Variants in CASZ1 observed in about 807,000 individuals in gnomAD.
CASZ1 encodes castor zinc finger 1.
Under a neutral mutation model 135.2 loss-of-function variants are expected in CASZ1, and 28 were observed. That is an observed-to-expected ratio of 0.21 (90% CI 0.15 to 0.28). The LOEUF (loss-of-function observed/expected upper bound fraction) is 0.28, where lower values mean the gene tolerates loss of function less well. CASZ1 is among the 10% of genes least tolerant of loss of function. CASZ1 has a pLI of 1.00. For missense variants in CASZ1, 2,161 were observed against 2,453.3 expected, an observed-to-expected ratio of 0.88 and a Z score of 2.52; for synonymous variants, 1,068 against 1,073.4, an observed-to-expected ratio of 0.99 and a Z score of 0.10.
rs769407382 is a variant in CASZ1 at position 10,643,148 on chromosome 1, G to GGGGGCTCTCACCTGGGA, written c.4015_4020+11dup. 3 of 1,609,640 alleles carry GGGGGCTCTCACCTGGGA rather than the reference G, an allele frequency of 1.9e-6. No individual in the cohort carries two copies. The highest frequency in any genetic ancestry group is 2.5e-6 in the Non-Finnish European group (3 of 1,178,888). Reference sequence around the variant, plus strand: ...CACCCTGGCTGGGCTCTCACCTGGGGGGGGCTCTCACCTGGGAGGGGGGCA... The same window carrying GGGGGCTCTCACCTGGGA: ...CACCCTGGCTGGGCTCTCACCTGGGGGGGGCTCTCACCTGGGAGGGGCTCTCACCTGGGAGGGGGGCA... On this transcript the variant is annotated intron_variant, in intron 19 of 20. Coordinates refer to ENST00000377022, the MANE Select transcript of CASZ1 (RefSeq NM_001079843.3).
intron 4 of CASZ1, among the ~76,000 whole-genome samples, chr1:10,691,076 C>G (rs1402386953): frequency 8.2e-6 from 1 of 122,112 alleles, no homozygotes; most frequent in East Asian, 2.0e-4. Context: ...CTCTTCCTCT[C>G]TCCCCTCCCT....
intron 2 of CASZ1, among the ~76,000 whole-genome samples, chr1:10,710,152 T>C (rs554640790): frequency 6.6e-6 from 1 of 152,312 alleles, no homozygotes; most frequent in South Asian, 2.1e-4. Flanking sequence ...ATAGTAATTT[T>C]TAAAAAGCAG....
rs1639456158 is a variant in CASZ1, at chr1:10,719,470, C to G, written c.-76-13926G>C. Among the ~76,000 whole-genome samples, 1 of 152,234 alleles carries G rather than the reference C, an allele frequency of 6.6e-6. No homozygotes were observed. The highest frequency in any genetic ancestry group is 2.4e-5 in the African/African-American group (1 of 41,456). On this transcript the variant is annotated intron_variant, in intron 2 of 20. Coordinates refer to ENST00000377022, the MANE Select transcript of CASZ1 (RefSeq NM_001079843.3). This position sits in a 1 kb window ranked among gnomAD's most constrained non-coding sequence, Gnocchi z 4.0. Reference sequence around the variant, plus strand: ...ATGTCCTAAGGCTGCACACGCCATGCATTTAGAATCTGAGTGCTTGGGAGA... The same window carrying G: ...ATGTCCTAAGGCTGCACACGCCATGGATTTAGAATCTGAGTGCTTGGGAGA...
At chr1:10,690,197 A>C (rs1267661897) in intron 4 of CASZ1, among the ~76,000 whole-genome samples, 1 of 152,222 alleles carries the variant, frequency 6.6e-6, no homozygotes, top group African/African-American at 2.4e-5. Flanking sequence ...GGTGCCTGGC[A>C]GGTCGAAGGT....
chr1:10,645,075 C>A lies in CASZ1; in HGVS notation c.3710G>T (p.Arg1237Leu). The A allele has an allele frequency of 6.2e-7, 1 of 1,613,726 alleles. No individual in the cohort carries two copies. ...CLCPNQHCEF[R>L]MRGHYHCLRT... Reference sequence around the variant, plus strand: ...GAGGCAGTGGTAGTGCCCACGCATTCGGAACTCGCAGTGCTGCAGGGAGAC... The same window carrying A: ...GAGGCAGTGGTAGTGCCCACGCATTAGGAACTCGCAGTGCTGCAGGGAGAC... Residue 1237 changes from arginine (R) to leucine (L), a missense_variant, in exon 18 of 21, where the codon CGA becomes CTA. Physicochemically the swap from Arg to Leu is moderately radical, Grantham distance 102 (BLOSUM62 -2). Transcript: ENST00000377022.
Position 10,639,779 on chromosome 1 carries a change from G to A in CASZ1, c.4443C>T (p.His1481=). The A allele has an allele frequency of 6.2e-7, 1 of 1,603,578 alleles. No individual in the cohort carries two copies. Among genetic ancestry groups the A allele is most frequent in the South Asian group, 1.1e-5 (1 of 89,588 alleles). ...RTHMYKHAQH[H]DRVDNLVLDD... ...CCAGCACCAGGTTGTCCACGCGGTC[G>A]TGGTGCTGCGCGTGCTTGTACATGT... Residue 1481 remains histidine (H), a synonymous_variant, in exon 21 of 21, where the codon CAC becomes CAT. Coordinates refer to ENST00000377022, the MANE Select transcript of CASZ1 (RefSeq NM_001079843.3). The surrounding 1 kb of genome is among the most constrained non-coding windows in gnomAD (Gnocchi z 4.0).
In CASZ1 at chr1:10,707,522, G is replaced by A. The variant is rs1472659051; in HGVS notation, c.-76-1978C>T. Among the ~76,000 whole-genome samples the A allele has an allele frequency of 6.6e-6, 1 of 152,100 alleles. No individual in the cohort carries two copies. Among genetic ancestry groups the A allele is most frequent in the East Asian group, 1.9e-4 (1 of 5,186 alleles). On this transcript the variant is annotated intron_variant, in intron 2 of 20. Coordinates refer to ENST00000377022, the MANE Select transcript of CASZ1 (RefSeq NM_001079843.3). This position sits in a 1 kb window ranked among gnomAD's most constrained non-coding sequence, Gnocchi z 5.0. Reference sequence around the variant, plus strand: ...CAATCAGGGAGGAAACTTTCCAGGAGTTGGTCGGGGGTGGAGGAGGGAGGG... The same window carrying A: ...CAATCAGGGAGGAAACTTTCCAGGAATTGGTCGGGGGTGGAGGAGGGAGGG...
At chr1:10,765,390 GA>G (rs113769665) in intron 1 of CASZ1, among the ~76,000 whole-genome samples, 11,611 of 141,014 alleles carry the variant, frequency 0.082, 591 homozygotes, top group African/African-American at 0.15. Flanking sequence ...TATGGAAAAG[GA>G]AAAAAAAAAA....
At position 10,639,963 on chromosome 1, in the gene CASZ1, G is replaced by A; in HGVS notation, c.4259C>T (p.Ser1420Phe). ...GCCCTCGTCCAGCATCTTCCGGGAG[G>A]ACGCCGTCTTCCGCCGCTTGCCGAA... The part of the protein sequence containing the change: ...SPFGKRRKTA[S>F]SRKMLDEGMM... Residue 1420 changes from serine to phenylalanine, a missense_variant, in exon 21 of 21, where the codon TCC becomes TTC. Ser to Phe is a radical substitution (Grantham distance 155, BLOSUM62 -2). Coordinates refer to ENST00000377022, the MANE Select transcript of CASZ1 (RefSeq NM_001079843.3). The surrounding 1 kb of genome is among the most constrained non-coding windows in gnomAD (Gnocchi z 4.0). The A allele has an allele frequency of 6.2e-7, 1 of 1,612,926 alleles. No individual in the cohort carries two copies. The highest frequency in any genetic ancestry group is 8.5e-7 in the Non-Finnish European group (1 of 1,180,010).
In CASZ1 at chr1:10,721,641, G is replaced by A. The variant is rs1452159654; in HGVS notation, c.-76-16097C>T. On this transcript the variant is annotated intron_variant, in intron 2 of 20. Coordinates refer to ENST00000377022, the MANE Select transcript of CASZ1 (RefSeq NM_001079843.3). This position sits in a 1 kb window ranked among gnomAD's most constrained non-coding sequence, Gnocchi z 5.4. The stretch of plus-strand genomic sequence containing the variant: ...TCAGAGCCCACGGGGGGCTGGACGA[G>A]GGTGGAGGGTACGCCAGTGACCTCC... Among the ~76,000 whole-genome samples the A allele has an allele frequency of 6.6e-6, 1 of 152,192 alleles. No individual in the cohort carries two copies. Among genetic ancestry groups the A allele is most frequent in the Admixed American group, 6.5e-5 (1 of 15,290 alleles).
intron 1 of CASZ1, among the ~76,000 whole-genome samples, chr1:10,778,339 C>T: frequency 6.6e-6 from 1 of 151,914 alleles, no homozygotes. Context: ...CACACACAAT[C>T]TCACACTTCA....
Position 10,697,074 on chromosome 1 carries a change from C to T in CASZ1, c.-23-3162G>A, listed in dbSNP as rs1055167575. 1.1e-4 allele frequency among the ~76,000 whole-genome samples: 16 copies of T among 152,194 alleles called. No individual in the cohort carries two copies. Among genetic ancestry groups the T allele is most frequent in the Non-Finnish European group, 2.4e-4 (16 of 68,032 alleles). On this transcript the variant is annotated intron_variant, in intron 3 of 20. Coordinates refer to ENST00000377022, the MANE Select transcript of CASZ1 (RefSeq NM_001079843.3). The surrounding 1 kb of genome is among the most constrained non-coding windows in gnomAD (Gnocchi z 4.7). ...CCAGGTAGCCACAGGCTGAGTGGGC[C>T]CTGCCCAAGAGGAAAAGGCCTTCAG...
rs969245648 is a variant in CASZ1, at chr1:10,719,138, G to C, written c.-76-13594C>G. On this transcript the variant is annotated intron_variant, in intron 2 of 20. Coordinates refer to ENST00000377022, the MANE Select transcript of CASZ1 (RefSeq NM_001079843.3). This position sits in a 1 kb window ranked among gnomAD's most constrained non-coding sequence, Gnocchi z 4.0. ...CAACCATGTTGGCCAGACTAGTCTC[G>C]AACTCCTGACCTCAAGCAATCTGCC... Among the ~76,000 whole-genome samples the C allele has an allele frequency of 1.3e-5, 2 of 151,970 alleles. No homozygotes were observed. Among genetic ancestry groups the C allele is most frequent in the African/African-American group, 4.8e-5 (2 of 41,352 alleles).
At position 10,642,867 on chromosome 1, in the gene CASZ1, G is replaced by T; in HGVS notation, c.4154C>A (p.Thr1385Asn). The T allele has an allele frequency of 6.2e-7, 1 of 1,612,726 alleles. No individual in the cohort carries two copies. The highest frequency in any genetic ancestry group is 1.1e-5 in the South Asian group (1 of 91,056). The change falls in exon 20 of 21, where the codon ACC becomes AAC. Residue 1385 changes from threonine (T) to asparagine (N), a missense_variant. Coordinates refer to ENST00000377022, the MANE Select transcript of CASZ1 (RefSeq NM_001079843.3). ...CSSTPVGNES[T>N]AAGNTISMPT... ...CCCTGCCTGCCGCTCACCTGCCGCG[G>T]TGCTCTCGTTACCCACGGGGGTGCT...
At chr1:10,654,902 G>A (rs1284421591) in intron 9 of CASZ1, among the ~76,000 whole-genome samples, 1 of 152,172 alleles carries the variant, frequency 6.6e-6, no homozygotes, top group Admixed American at 6.5e-5. Context: ...TGCAGGAGTT[G>A]GATTTTGAGT....
In CASZ1 at chr1:10,657,290, C is replaced by T. The variant is rs1642836256; in HGVS notation, c.1410-554G>A. Among the ~76,000 whole-genome samples the T allele has an allele frequency of 6.6e-6, 1 of 152,228 alleles. No homozygotes were observed. The highest frequency in any genetic ancestry group is 2.4e-5 in the African/African-American group (1 of 41,466). ...CCACCGCCAGGAACCTGTGCTGCCT[C>T]CCAGGAAACCCGTCCTCCTCCAGGC... On this transcript the variant is annotated intron_variant, in intron 7 of 20. Transcript: ENST00000377022. The surrounding 1 kb of genome is among the most constrained non-coding windows in gnomAD (Gnocchi z 5.7).
At chr1:10,715,823 CCG>C (rs1639375292) in intron 2 of CASZ1, among the ~76,000 whole-genome samples, 1 of 120,118 alleles carries the variant, frequency 8.3e-6, no homozygotes, top group Non-Finnish European at 1.7e-5. Flanking sequence ...AGCATCCAAT[CCG>C]CACCTACAGC....
At chr1:10,677,454 A>C (rs1482730026) in intron 4 of CASZ1, among the ~76,000 whole-genome samples, 6 of 152,144 alleles carry the variant, frequency 3.9e-5, no homozygotes, top group Non-Finnish European at 7.4e-5. Flanking sequence ...CTGTTTCTAG[A>C]ACCTGTGTGT....
At chr1:10,668,582 A>T (rs1313255780) in intron 4 of CASZ1, among the ~76,000 whole-genome samples, 1 of 152,222 alleles carries the variant, frequency 6.6e-6, no homozygotes, top group African/African-American at 2.4e-5. Context: ...ACCCACACAC[A>T]GTCAGAGCCC....
Sources: allele counts gnomAD v4.1 joint callset (sites outside exome capture counted in the v4.1 genomes callset), GRCh38; gene constraint gnomAD v4.1.1; non-coding constraint Gnocchi (gnomAD v3.1); transcripts MANE v1.5; gene names NCBI Gene and HGNC (gene_info 2026-07-23, HGNC 2026-07-21).